The following EML1 variants were observed in gnomAD, a reference collection of about 807,000 sequenced individuals.
EML1 encodes echinoderm microtubule-associated protein-like 1.
A neutral mutation model predicts 110.4 loss-of-function variants in EML1; 27 were observed. The observed-to-expected ratio is 0.24, with a 90% CI of 0.18 to 0.34. The LOEUF (loss-of-function observed/expected upper bound fraction) is 0.34. Ranked by LOEUF, EML1 falls within the 10% of genes least tolerant of loss-of-function variation. The pLI, the probability that EML1 is intolerant of heterozygous loss-of-function variation, is 1.00. For missense variants in EML1, 741 were observed against 1,030.9 expected (o/e 0.72, Z 3.85); for synonymous variants, 344 against 385.8 (o/e 0.89, Z 1.27).
intron 1 of EML1, among the ~76,000 whole-genome samples, chr14:99,774,746 A>G (rs1220079434): frequency 6.6e-6 from 1 of 152,214 alleles, no homozygotes; most frequent in Admixed American, 6.5e-5. Context: ...GTAAGGGGCC[A>G]TCTTCCCATG....
Position 99,878,476 on chromosome 14 carries a change from C to T in EML1, c.384-9C>T, listed in dbSNP as rs375177816. On this transcript the variant is annotated splice_polypyrimidine_tract_variant and intron_variant, in intron 3 of 21. Transcript: ENST00000262233. ...AAGGAGTTCACTGTCACTTCCATTC[C>T]ACCCTTAGTAACATCAAGAGGACCA... 42 of 1,602,604 alleles carry T rather than the reference C, an allele frequency of 2.6e-5. No homozygotes were observed. The highest frequency in any genetic ancestry group is 3.1e-5 in the Non-Finnish European group (37 of 1,176,310).
At chr14:99,789,865 T>C (rs961400731), upstream of EML1, among the ~76,000 whole-genome samples, 2 of 152,254 alleles carry the variant, frequency 1.3e-5, no homozygotes, top group African/African-American at 2.4e-5. Flanking sequence ...GTGCTCAGGA[T>C]ATAAATTAAC....
chr14:99,896,450 C>T (rs2059672530), intron 6 of EML1, among the ~76,000 whole-genome samples: 1 of 152,034 alleles, frequency 6.6e-6, no homozygotes, highest in South Asian at 2.1e-4. Flanking sequence ...TGCTTCAGCT[C>T]GTCTTTAAGT....
intron 1 of EML1, among the ~76,000 whole-genome samples, chr14:99,805,860 A>G (rs2057963248): frequency 6.6e-6 from 1 of 152,086 alleles, no homozygotes; most frequent in Non-Finnish European, 1.5e-5. Flanking sequence ...TTAAGTGTAC[A>G]GTTCATGGCG....
At chr14:99,882,923 G>A (rs73360318) in intron 4 of EML1, among the ~76,000 whole-genome samples, 4,695 of 152,160 alleles carry the variant, frequency 0.031, 234 homozygotes, top group African/African-American at 0.11. Context: ...AGACAGCCCC[G>A]TAGTACAGCT....
chr14:99,767,734 C>A (rs1333809984), intron 1 of EML1, among the ~76,000 whole-genome samples: 1 of 152,110 alleles, frequency 6.6e-6, no homozygotes, highest in Non-Finnish European at 1.5e-5. Context: ...ACAAGCCCCC[C>A]CTTATTTCAG....
chr14:99,748,281 G>A (rs550352494), intron 1 of EML1, among the ~76,000 whole-genome samples: 1 of 152,308 alleles, frequency 6.6e-6, no homozygotes, highest in African/African-American at 2.4e-5. Context: ...CTGGGATCCG[G>A]AGCTTGCCCC....
upstream of EML1, among the ~76,000 whole-genome samples, chr14:99,768,214 C>T (rs899260326): frequency 3.9e-5 from 6 of 152,240 alleles, no homozygotes; most frequent in East Asian, 5.8e-4. Flanking sequence ...TGTCTTAGAG[C>T]GGAGGAAATC....
chr14:99,772,344 T>C (rs1595262534), upstream of EML1, among the ~76,000 whole-genome samples: 1 of 152,238 alleles, frequency 6.6e-6, no homozygotes, highest in Admixed American at 6.5e-5. Flanking sequence ...TCTCCTTCTC[T>C]GGCTACCTCT....
intron 1 of EML1, among the ~76,000 whole-genome samples, chr14:99,837,199 C>T (rs552676086): frequency 1.3e-5 from 2 of 152,198 alleles, no homozygotes; most frequent in South Asian, 2.1e-4. Flanking sequence ...GACTTACAGC[C>T]GTGTGTCTCA....
chr14:99,910,415 A>T (rs1466374941), intron 12 of EML1, 74 bp downstream of exon 12: 80 of 1,180,696 alleles, frequency 6.8e-5, no homozygotes, highest in Non-Finnish European at 9.6e-5. Context: ...TGCTTTAAGA[A>T]TTGTCTATTA....
At chr14:99,742,877 G>A (rs975801094) in intron 1 of EML1, among the ~76,000 whole-genome samples, 9 of 152,156 alleles carry the variant, frequency 5.9e-5, no homozygotes, top group African/African-American at 1.4e-4. Flanking sequence ...ATGAACTGTG[G>A]GGCACAAGGG....
chr14:99,933,358 TA>T (rs1480984216), intron 17 of EML1, among the ~76,000 whole-genome samples: 1 of 152,168 alleles, frequency 6.6e-6, no homozygotes, highest in African/African-American at 2.4e-5. Context: ...GTATTTTTAG[TA>T]GAGACAGGGT....
chr14:99,927,301 G>A lies in EML1; in HGVS notation c.1909+6424G>A, dbSNP rs138362988. On this transcript the variant is annotated intron_variant, in intron 17 of 21. Coordinates refer to ENST00000262233, the MANE Select transcript of EML1 (RefSeq NM_004434.3). ...TACAGTAAATTTGTTGATGAAACTG[G>A]CTCGTTTGTCCTGTAGCATTTTCCA... is the stretch of plus-strand genomic sequence containing the variant. Among the ~76,000 whole-genome samples, 561 of 152,244 alleles carry A rather than the reference G, an allele frequency of 3.7e-3. 5 individuals are homozygous for A. Among genetic ancestry groups the A allele is most frequent in the African/African-American group, 0.013 (538 of 41,540 alleles).
At chr14:99,795,800 A>G (rs1038856786) in intron 1 of EML1, among the ~76,000 whole-genome samples, 4 of 152,210 alleles carry the variant, frequency 2.6e-5, no homozygotes, top group African/African-American at 9.6e-5. Flanking sequence ...ACATTTTCAT[A>G]TGTTCAGTAT....
chr14:99,922,328 C>T (rs916835144), intron 17 of EML1, among the ~76,000 whole-genome samples: 1 of 152,146 alleles, frequency 6.6e-6, no homozygotes, highest in African/African-American at 2.4e-5. Flanking sequence ...ATTGGCCAGG[C>T]TGGTCTCAAA....
intron 4 of EML1, among the ~76,000 whole-genome samples, chr14:99,889,593 C>T (rs978561556): frequency 2.5e-4 from 38 of 152,296 alleles, no homozygotes; most frequent in African/African-American, 7.9e-4. Context: ...AACATGAATC[C>T]GTACGCACGG....
chr14:99,760,730 C>T (rs577549871), intron 1 of EML1, among the ~76,000 whole-genome samples: 35 of 152,264 alleles, frequency 2.3e-4, no homozygotes, highest in Admixed American at 1.4e-3. Context: ...ATCTCAGTCT[C>T]GTCAAGTAAG....
Position 99,897,217 on chromosome 14 carries a change from C to T in EML1, c.750C>T (p.Ile250=), listed in dbSNP as rs774695150. ...LLPTGETVYF[I]ASVVVLYNVE... is the part of the protein sequence containing the mutation. Reference sequence around the variant, plus strand: ...CGACGGGAGAGACCGTCTACTTCATCGCATCCGTGGTGGTGTTATACAACG... The same window carrying T: ...CGACGGGAGAGACCGTCTACTTCATTGCATCCGTGGTGGTGTTATACAACG... Residue 250 remains isoleucine, a synonymous_variant, in exon 7 of 22, where the codon ATC becomes ATT. Coordinates refer to ENST00000262233, the MANE Select transcript of EML1 (RefSeq NM_004434.3). 2.0e-5 allele frequency: 32 copies of T among 1,612,900 alleles called. No homozygotes were observed. Among genetic ancestry groups the T allele is most frequent in the Non-Finnish European group, 2.5e-5 (29 of 1,179,540 alleles).
Sources: gnomAD v4.1 joint callset for allele counts (sites outside exome capture counted in the v4.1 genomes callset) on GRCh38, gnomAD v4.1.1 for gene constraint, MANE v1.5 for transcripts, NCBI Gene and HGNC (gene_info 2026-07-23, HGNC 2026-07-21) for gene names.